RAB18: variants seen among roughly 807,000 people sequenced by gnomAD.
The protein encoded by RAB18 is RAB18, member RAS oncogene family.
In RAB18, 10 loss-of-function variants were observed where a neutral mutation model predicts 28.5. That is an observed-to-expected ratio of 0.35 (90% CI 0.22 to 0.60). The LOEUF (loss-of-function observed/expected upper bound fraction) is 0.60. Ranked by LOEUF, RAB18 falls within the 20% of genes least tolerant of loss-of-function variation. RAB18 has a pLI of 0.78. For synonymous variants in RAB18, 93 were observed against 86.9 expected, an observed-to-expected ratio of 1.07 and a Z score of -0.39; for missense variants, 188 against 244.2, an observed-to-expected ratio of 0.77 and a Z score of 1.53.
rs1367230224 is a variant in RAB18 at position 27,532,575 on chromosome 10, A to G, written c.255A>G (p.Ile85Met). 1.3e-6 allele frequency: 2 copies of G among 1,591,484 alleles called. No homozygotes were observed. Among genetic ancestry groups the G allele is most frequent in the Admixed American group, 3.3e-5 (2 of 59,954 alleles). ...PSYYRGAQGVILVYDVTRRDT... is the reference protein window; with the variant it reads ...PSYYRGAQGVMLVYDVTRRDT... ...ATTATAGAGGTGCACAGGGTGTTATATTAGGTAAGTGTTTACTTTAATGTA... is the reference window on the plus strand; with the variant it reads ...ATTATAGAGGTGCACAGGGTGTTATGTTAGGTAAGTGTTTACTTTAATGTA... The change falls in exon 4 of 7, where the codon ATA becomes ATG. Residue 85 changes from isoleucine (I) to methionine (M), a missense_variant. Physicochemically the swap from Ile to Met is conservative, Grantham distance 10. Transcript: ENST00000356940.
At chr10:27,529,282 A>G (rs1292051109) in intron 3 of RAB18, among the ~76,000 whole-genome samples, 2 of 151,832 alleles carry the variant, frequency 1.3e-5, no homozygotes, top group African/African-American at 4.8e-5. Flanking sequence ...TCAAGGTTTT[A>G]ATATTTATAT....
intron 3 of RAB18, among the ~76,000 whole-genome samples, chr10:27,528,110 T>G (rs973733920): frequency 3.3e-5 from 5 of 152,150 alleles, no homozygotes; most frequent in Admixed American, 1.3e-4. Flanking sequence ...TCATGGTTAA[T>G]TTATTATCCC....
rs776543512 is a variant in RAB18 at position 27,538,075 on chromosome 10, C to T, written c.*24C>T. 8.1e-6 allele frequency: 13 copies of T among 1,613,456 alleles called. No homozygotes were observed. The highest frequency in any genetic ancestry group is 1.1e-5 in the Non-Finnish European group (13 of 1,179,518). On this transcript the variant is annotated 3_prime_UTR_variant, in exon 7 of 7. Transcript: ENST00000356940. ...AAACTCTGGGAAATTCCATCTCTTGCATATTTGATCAGATAGTGACATCTT... is the reference window on the plus strand; with the variant it reads ...AAACTCTGGGAAATTCCATCTCTTGTATATTTGATCAGATAGTGACATCTT...
chr10:27,537,046 A>G (rs1834914465), intron 6 of RAB18, among the ~76,000 whole-genome samples: 1 of 152,200 alleles, frequency 6.6e-6, no homozygotes, highest in South Asian at 2.1e-4. Flanking sequence ...ATGATCCAGT[A>G]GAGAGAGCGT....
intron 2 of RAB18, among the ~76,000 whole-genome samples, chr10:27,520,606 A>G (rs1186539346): frequency 6.6e-6 from 1 of 151,994 alleles, no homozygotes; most frequent in African/African-American, 2.4e-5. Context: ...TTCCTTTATA[A>G]TATATTCATT....
intron 2 of RAB18, among the ~76,000 whole-genome samples, chr10:27,524,701 T>C (rs1834637282): frequency 2.0e-5 from 3 of 152,162 alleles, no homozygotes; most frequent in Admixed American, 1.3e-4. Flanking sequence ...TTAATCAAAT[T>C]GGGTAAGAAA....
Position 27,538,915 on chromosome 10 carries a change from A to C in RAB18, c.*864A>C, listed in dbSNP as rs1024736669. 2.2e-6 allele frequency: 1 copy of C among 453,774 alleles called. No individual in the cohort carries two copies. Among genetic ancestry groups the C allele is most frequent in the Non-Finnish European group, 4.4e-6 (1 of 226,640 alleles). The allele number at this position is 453,774 out of a possible 1,614,324, so 28.1% of individuals were successfully genotyped here. ...CAGGTACCTTAACTGTAGCTTGTGT[A>C]ATGTTGATGAATATCTGTATCTTAC... On this transcript the variant is annotated 3_prime_UTR_variant, in exon 7 of 7. Transcript: ENST00000356940.
rs1294597034 is a variant in RAB18 at position 27,540,879 on chromosome 10, G to GT, written c.*2829dup. On this transcript the variant is annotated 3_prime_UTR_variant, in exon 7 of 7. Transcript: ENST00000356940. Reference sequence around the variant, plus strand: ...CAAGAGACATGATTCTCTACTAAGGGTGGGGCTAGCACCATAGCTCATAAA... The same window carrying GT: ...CAAGAGACATGATTCTCTACTAAGGGTTGGGGCTAGCACCATAGCTCATAAA... 2 of 454,012 alleles carry GT rather than the reference G, an allele frequency of 4.4e-6. No individual in the cohort carries two copies. The highest frequency in any genetic ancestry group is 4.7e-5 in the Admixed American group (2 of 42,566). 28.1% of individuals were successfully genotyped at this position (454,012 alleles called of 1,614,324 possible). A position where few individuals can be genotyped will look rare whatever the true frequency, so the allele number is the denominator to read the frequency against.
intron 5 of RAB18, 29 bp from the exon 6 acceptor site, chr10:27,533,899 C>T: frequency 6.2e-7 from 1 of 1,608,722 alleles, no homozygotes; most frequent in Non-Finnish European, 8.5e-7. Flanking sequence ...TTTTGGTAGC[C>T]TTTCTTAATC....
At chr10:27,524,031 A>G (rs1009978869) in intron 2 of RAB18, among the ~76,000 whole-genome samples, 1 of 151,924 alleles carries the variant, frequency 6.6e-6, no homozygotes, top group African/African-American at 2.4e-5. Context: ...GTGAGCCAAG[A>G]TCACTGCCAC....
chr10:27,513,304 G>A (rs1834363672), intron 2 of RAB18, among the ~76,000 whole-genome samples: 1 of 151,976 alleles, frequency 6.6e-6, no homozygotes, highest in Admixed American at 6.5e-5. Flanking sequence ...CAAAGTGCTA[G>A]GATTACAGGT....
In RAB18 at chr10:27,542,086, TC is replaced by T; in HGVS notation, c.*4036del. 2.2e-6 allele frequency: 1 copy of T among 454,078 alleles called. No homozygotes were observed. The highest frequency in any genetic ancestry group is 4.4e-6 in the Non-Finnish European group (1 of 226,774). 28.1% of individuals were successfully genotyped at this position (454,078 alleles called of 1,614,324 possible). A position where few individuals can be genotyped will look rare whatever the true frequency, so the allele number is the denominator to read the frequency against. On this transcript the variant is annotated 3_prime_UTR_variant, in exon 7 of 7. Coordinates refer to ENST00000356940, the MANE Select transcript of RAB18 (RefSeq NM_021252.5). ...TTCTGAACTTGCTGCAGCTCGTTTT[TC>T]TAATATAAAGGAACCAGCCTGAGGC...
At chr10:27,537,279 TAG>T (rs1484222311) in intron 6 of RAB18, among the ~76,000 whole-genome samples, 1 of 152,208 alleles carries the variant, frequency 6.6e-6, no homozygotes, top group African/African-American at 2.4e-5. Context: ...TTAGCTGCGA[TAG>T]AGTTTTGAGA....
rs766509978 is a variant in RAB18 at position 27,538,208 on chromosome 10, G to A, written c.*157G>A. The A allele has an allele frequency of 1.3e-5, 13 of 997,734 alleles. No homozygotes were observed. The highest frequency in any genetic ancestry group is 1.2e-4 in the Admixed American group (6 of 50,276). 61.8% of individuals were successfully genotyped at this position (997,734 alleles called of 1,614,324 possible). A position where few individuals can be genotyped will look rare whatever the true frequency, so the allele number is the denominator to read the frequency against. On this transcript the variant is annotated 3_prime_UTR_variant, in exon 7 of 7. Coordinates refer to ENST00000356940, the MANE Select transcript of RAB18 (RefSeq NM_021252.5). The stretch of plus-strand genomic sequence containing the variant: ...GCAAGAAATCCCACTCATCGACCCC[G>A]GGTAAAATGTTATGGTAAGCATGCA...
chr10:27,521,556 C>G (rs143995380), intron 2 of RAB18, among the ~76,000 whole-genome samples: 108 of 152,224 alleles, frequency 7.1e-4, no homozygotes, highest in African/African-American at 2.4e-3. Flanking sequence ...AGCAAACTGG[C>G]TGGAACTGGA....
chr10:27,523,265 CTTTTTTTTTT>C (rs34006982), intron 2 of RAB18, among the ~76,000 whole-genome samples: 24 of 79,520 alleles, frequency 3.0e-4, no homozygotes, highest in African/African-American at 8.0e-4. Context: ...TTTTCTTCTT[CTTTTTTTTTT>C]TTTTTTTTTT....
chr10:27,539,263 T>C lies in RAB18; in HGVS notation c.*1212T>C, dbSNP rs1346190398. ...TGCTATTTTAACCCCCCAAATAAGT[T>C]ATTTGTCCTTTAAGGTTGGTTACTA... On this transcript the variant is annotated 3_prime_UTR_variant, in exon 7 of 7. Transcript: ENST00000356940. 5 of 309,402 alleles carry C rather than the reference T, an allele frequency of 1.6e-5. No homozygotes were observed. Among genetic ancestry groups the C allele is most frequent in the Non-Finnish European group, 3.1e-5 (5 of 160,268 alleles). The allele number at this position is 309,402 out of a possible 1,614,324, so 19.2% of individuals were successfully genotyped here. A position where few individuals can be genotyped will look rare whatever the true frequency, so the allele number is the denominator to read the frequency against.
Position 27,538,343 on chromosome 10 carries a change from A to C in RAB18, c.*292A>C. ...ATGTAATTTTTAAAAAAATCCATCT[A>C]TCTAGGATATGTTGATACAAAGTCT... On this transcript the variant is annotated 3_prime_UTR_variant, in exon 7 of 7. Transcript: ENST00000356940. The C allele has an allele frequency of 1.9e-6, 1 of 516,666 alleles. No individual in the cohort carries two copies. The highest frequency in any genetic ancestry group is 3.7e-6 in the Non-Finnish European group (1 of 268,474). The allele number at this position is 516,666 out of a possible 1,614,324, so 32.0% of individuals were successfully genotyped here. A position where few individuals can be genotyped will look rare whatever the true frequency, so the allele number is the denominator to read the frequency against.
rs1452815890 is a variant in RAB18, at chr10:27,540,269, G to A, written c.*2218G>A. 2.2e-6 allele frequency: 1 copy of A among 453,952 alleles called. No individual in the cohort carries two copies. Among genetic ancestry groups the A allele is most frequent in the South Asian group, 1.6e-5 (1 of 64,468 alleles). The allele number at this position is 453,952 out of a possible 1,614,324, so 28.1% of individuals were successfully genotyped here. On this transcript the variant is annotated 3_prime_UTR_variant, in exon 7 of 7. Coordinates refer to ENST00000356940, the MANE Select transcript of RAB18 (RefSeq NM_021252.5). ...CTTAAGAGATTAGTACTCCTATTAT[G>A]CCCATTTTAAAGGTGAGGACAACAC... is the stretch of plus-strand genomic sequence containing the variant.
Sources: gnomAD v4.1 joint callset for allele counts (sites outside exome capture counted in the v4.1 genomes callset) on GRCh38, gnomAD v4.1.1 for gene constraint, MANE v1.5 for transcripts, NCBI Gene and HGNC (gene_info 2026-07-23, HGNC 2026-07-21) for gene names.